The following RBFOX1 variants were observed in gnomAD, a reference collection of about 807,000 sequenced individuals.
The protein encoded by RBFOX1 is RNA binding protein fox-1 homolog 1.
In RBFOX1, 8 loss-of-function variants were observed where a neutral mutation model predicts 57.7. The ratio of observed to expected loss-of-function variants is 0.14; its 90% CI spans 0.08 to 0.25. The LOEUF (loss-of-function observed/expected upper bound fraction) is 0.25. Ranked by LOEUF, RBFOX1 falls within the 10% of genes least tolerant of loss-of-function variation. The pLI is 1.00. For missense variants in RBFOX1, 611 were observed against 548.5 expected, an observed-to-expected ratio of 1.11 and a Z score of -1.14; for synonymous variants, 326 against 222.4, an observed-to-expected ratio of 1.47 and a Z score of -4.15.
intron 2 of RBFOX1, among the ~76,000 whole-genome samples, chr16:5,542,913 A>G (rs911630024): frequency 1.3e-5 from 2 of 152,218 alleles, no homozygotes; most frequent in Admixed American, 6.5e-5. Flanking sequence ...TATAAGGATT[A>G]GAAGGACCAG....
At chr16:5,992,940 A>C (rs926821907) in intron 4 of RBFOX1, among the ~76,000 whole-genome samples, 1 of 152,176 alleles carries the variant, frequency 6.6e-6, no homozygotes, top group Non-Finnish European at 1.5e-5. Flanking sequence ...CTGTCTCAAA[A>C]GAAAGAAAAA....
intron 3 of RBFOX1, among the ~76,000 whole-genome samples, chr16:6,675,015 C>G (rs527960618): frequency 1.3e-5 from 2 of 152,114 alleles, no homozygotes; most frequent in Middle Eastern, 3.2e-3. Context: ...AAGCCATTCT[C>G]GTGCCTCAGC....
intron 4 of RBFOX1, among the ~76,000 whole-genome samples, chr16:7,188,376 G>T (rs2084445570): frequency 6.6e-6 from 1 of 152,112 alleles, no homozygotes; most frequent in Admixed American, 6.5e-5. Context: ...TTCTGAATGG[G>T]GTTTTATGAA....
At chr16:6,682,938 G>A (rs2058883171) in intron 3 of RBFOX1, among the ~76,000 whole-genome samples, 1 of 151,604 alleles carries the variant, frequency 6.6e-6, no homozygotes, top group Non-Finnish European at 1.5e-5. Flanking sequence ...TCACAGGCCA[G>A]GCAAGTCACA....
exon 4 of RBFOX1, chr16:5,867,333 G>A (rs1175422394): frequency 2.5e-6 from 3 of 1,206,836 alleles, no homozygotes; most frequent in Non-Finnish European, 3.1e-6. Flanking sequence ...AGGCAAAGCT[G>A]AGGTAGGAAA....
intron 3 of RBFOX1, among the ~76,000 whole-genome samples, chr16:5,608,481 T>C (rs1261140688): frequency 6.6e-6 from 1 of 152,172 alleles, no homozygotes; most frequent in Non-Finnish European, 1.5e-5. Context: ...CACCTATTTG[T>C]TGTGGAAGCC....
Position 6,349,140 on chromosome 16 carries a change from G to A in RBFOX1, c.-64+32083G>A, listed in dbSNP as rs564756051. Among the ~76,000 whole-genome samples the A allele has an allele frequency of 5.9e-5, 9 of 152,256 alleles. No individual in the cohort carries two copies. In the South Asian group the frequency reaches 1.9e-3, roughly 32 times the overall value. On this transcript the variant is annotated intron_variant, in intron 2 of 15. Transcript: ENST00000550418. ...TCTGCAGTAACCTCTGTCTCTCTGA[G>A]GTTGAACCAAACACATACTTATTTT...
intron 1 of RBFOX1, among the ~76,000 whole-genome samples, chr16:5,438,227 G>T (rs1244667465): frequency 6.6e-6 from 1 of 152,230 alleles, no homozygotes; most frequent in East Asian, 1.9e-4. Flanking sequence ...ACGTGGGGAA[G>T]TTGTGATCAC....
intron 2 of RBFOX1, among the ~76,000 whole-genome samples, chr16:6,627,050 A>G (rs1221488925): frequency 6.6e-6 from 1 of 152,172 alleles, no homozygotes; most frequent in Non-Finnish European, 1.5e-5. Context: ...CTTCTGAAAG[A>G]ACCAGGGTTC....
chr16:6,374,746 C>A (rs182952144), intron 2 of RBFOX1, among the ~76,000 whole-genome samples: 2 of 152,240 alleles, frequency 1.3e-5, no homozygotes, highest in African/African-American at 4.8e-5. Context: ...ATTGAGTAAT[C>A]GTACATAGGT....
At chr16:5,472,752 G>C (rs2069181492) in intron 2 of RBFOX1, among the ~76,000 whole-genome samples, 1 of 152,068 alleles carries the variant, frequency 6.6e-6, no homozygotes, top group Admixed American at 6.6e-5. Flanking sequence ...GTTCTTTCTT[G>C]CTCTGCAAGT....
At chr16:7,580,634 A>G (rs1463649542) in intron 6 of RBFOX1, among the ~76,000 whole-genome samples, 1 of 152,176 alleles carries the variant, frequency 6.6e-6, no homozygotes, top group Non-Finnish European at 1.5e-5. Context: ...CCCAGGAGAA[A>G]ATAATAGCAT....
chr16:5,856,593 ATATATATATAT>A lies in RBFOX1; in HGVS notation c.319-10709_319-10699del, dbSNP rs2057075865. On this transcript the variant is annotated intron_variant, in intron 3 of 19. Transcript: ENST00000641259. ...TGTGTGTGTATATATATATATATATATATATATATATAATCTTAGCCAGATCTTCTGGATAA... is the reference window on the plus strand; with the variant it reads ...TGTGTGTGTATATATATATATATATAAATCTTAGCCAGATCTTCTGGATAA... Among the ~76,000 whole-genome samples the A allele has an allele frequency of 5.4e-5, 5 of 91,796 alleles. 1 individual carries two copies. Among genetic ancestry groups the A allele is most frequent in the East Asian group, 6.7e-4 (2 of 2,980 alleles). The allele number at this position is 91,796 out of a possible 152,430, so 60.2% of individuals were successfully genotyped here.
At chr16:6,984,286 C>A (rs1378813067) in intron 3 of RBFOX1, among the ~76,000 whole-genome samples, 2 of 152,092 alleles carry the variant, frequency 1.3e-5, no homozygotes, top group African/African-American at 4.8e-5. Flanking sequence ...TCCTGTACTA[C>A]CTGTGTGACC....
chr16:5,890,000 T>A (rs984002470), intron 4 of RBFOX1, among the ~76,000 whole-genome samples: 1 of 152,210 alleles, frequency 6.6e-6, no homozygotes, highest in East Asian at 1.9e-4. Flanking sequence ...CTCTTCATCT[T>A]TTGACATGCA....
chr16:5,985,029 C>G (rs1192051707), intron 4 of RBFOX1, among the ~76,000 whole-genome samples: 1 of 131,632 alleles, frequency 7.6e-6, no homozygotes, highest in Non-Finnish European at 1.5e-5. Flanking sequence ...GTCGCCCAGG[C>G]TGGAGTGCAG....
At chr16:7,321,924 G>T (rs1191531420) in intron 4 of RBFOX1, among the ~76,000 whole-genome samples, 1 of 152,132 alleles carries the variant, frequency 6.6e-6, no homozygotes, top group South Asian at 2.1e-4. Context: ...CAGCCCCTTG[G>T]CTAATCCTCT....
At chr16:5,380,269 G>C (rs2151389700) in intron 1 of RBFOX1, among the ~76,000 whole-genome samples, 1 of 152,212 alleles carries the variant, frequency 6.6e-6, no homozygotes, top group African/African-American at 2.4e-5. Flanking sequence ...GTAGGTAGAT[G>C]GTGGAAACTT....
chr16:6,057,154 A>G (rs1286250922), intron 1 of RBFOX1: 1 of 152,084 alleles, frequency 6.6e-6, no homozygotes, highest in Non-Finnish European at 1.5e-5. Context: ...GTTATGATGG[A>G]TTGTGTTAGA....
Sources: allele counts gnomAD v4.1 joint callset (sites outside exome capture counted in the v4.1 genomes callset), GRCh38; gene constraint gnomAD v4.1.1; transcripts MANE v1.5; gene names NCBI Gene and HGNC (gene_info 2026-07-23, HGNC 2026-07-21).